NELL2: variants seen among roughly 807,000 people sequenced by gnomAD.
NELL2 encodes the protein protein kinase C-binding protein NELL2.
A neutral mutation model predicts 109.6 loss-of-function variants in NELL2; 41 were observed. That is an observed-to-expected ratio of 0.37 (90% confidence interval 0.29 to 0.49). NELL2 has a LOEUF of 0.49. Ranked by LOEUF, NELL2 falls within the 20% of genes least tolerant of loss-of-function variation. The pLI, the probability that NELL2 is intolerant of heterozygous loss-of-function variation, is 0.98. For missense variants in NELL2, 900 were observed against 1,008.3 expected (o/e 0.89, Z 1.45); for synonymous variants, 355 against 344.7 (o/e 1.03, Z -0.33).
intron 15 of NELL2, among the ~76,000 whole-genome samples, chr12:44,599,671 T>C (rs1474795058): frequency 1.3e-5 from 2 of 152,104 alleles, no homozygotes; most frequent in East Asian, 3.8e-4. Context: ...GGGATAAATA[T>C]TGAGTGGATT....
At chr12:44,840,224 A>G (rs1263388549) in intron 2 of NELL2, among the ~76,000 whole-genome samples, 2 of 152,178 alleles carry the variant, frequency 1.3e-5, no homozygotes, top group African/African-American at 4.8e-5. Flanking sequence ...ACAAGTTGAT[A>G]GAGTTGGTGA....
chr12:44,673,895 T>G (rs1481118472), intron 12 of NELL2, among the ~76,000 whole-genome samples: 1 of 151,922 alleles, frequency 6.6e-6, no homozygotes, highest in Non-Finnish European at 1.5e-5. Context: ...TTCTAAACAC[T>G]CATAATGTAC....
At chr12:44,725,613 T>C (rs1251052962) in intron 9 of NELL2, among the ~76,000 whole-genome samples, 1 of 152,132 alleles carries the variant, frequency 6.6e-6, no homozygotes, top group East Asian at 1.9e-4. Flanking sequence ...TAAATGCCCA[T>C]TAATGACAGA....
intron 12 of NELL2, among the ~76,000 whole-genome samples, chr12:44,674,372 GT>G (rs1413036020): frequency 6.6e-6 from 1 of 152,056 alleles, no homozygotes; most frequent in Admixed American, 6.6e-5. Context: ...TCAGAGAAAG[GT>G]TAATGACTAA....
intron 9 of NELL2, among the ~76,000 whole-genome samples, chr12:44,744,902 G>C (rs572349979): frequency 6.6e-6 from 1 of 152,162 alleles, no homozygotes; most frequent in African/African-American, 2.4e-5. Context: ...CATTCCTTCT[G>C]AAACTATTCC....
intron 15 of NELL2, among the ~76,000 whole-genome samples, chr12:44,593,509 G>A (rs1291037444): frequency 1.3e-5 from 2 of 152,098 alleles, no homozygotes; most frequent in African/African-American, 2.4e-5. Flanking sequence ...GTCACCTTTG[G>A]CAATTTACTT....
chr12:44,765,137 A>C (rs1185703726), intron 9 of NELL2, among the ~76,000 whole-genome samples: 1 of 152,212 alleles, frequency 6.6e-6, no homozygotes, highest in Non-Finnish European at 1.5e-5. Flanking sequence ...AAAAAAATTC[A>C]GGTCTCAGCA....
intron 13 of NELL2, among the ~76,000 whole-genome samples, chr12:44,642,416 G>T (rs1422418084): frequency 2.6e-5 from 4 of 152,104 alleles, no homozygotes; most frequent in Non-Finnish European, 5.9e-5. Flanking sequence ...ATATAAGATG[G>T]TCAAACTCAA....
At chr12:44,552,292 G>A (rs1026794989) in intron 15 of NELL2, among the ~76,000 whole-genome samples, 9 of 152,036 alleles carry the variant, frequency 5.9e-5, no homozygotes, top group African/African-American at 1.2e-4. Context: ...TCAATATTAC[G>A]GAGGAGATGA....
chr12:44,610,748 T>A, intron 14 of NELL2, 100 bp downstream of exon 14: 1 of 1,505,134 alleles, frequency 6.6e-7, no homozygotes, highest in Non-Finnish European at 9.1e-7. Context: ...CTGTAGGAAG[T>A]ACCTGGAATG....
intron 15 of NELL2, among the ~76,000 whole-genome samples, chr12:44,600,618 A>T (rs1039718524): frequency 6.6e-6 from 1 of 152,226 alleles, no homozygotes; most frequent in African/African-American, 2.4e-5. Context: ...GGCACCCCCC[A>T]AAAAGAGAAA....
At chr12:44,733,462 G>A (rs1280612820) in intron 9 of NELL2, among the ~76,000 whole-genome samples, 1 of 151,894 alleles carries the variant, frequency 6.6e-6, no homozygotes, top group Non-Finnish European at 1.5e-5. Context: ...GTAACAACAG[G>A]AGAAATACTG....
chr12:44,534,396 T>A (rs936635104), intron 15 of NELL2, among the ~76,000 whole-genome samples: 1 of 152,124 alleles, frequency 6.6e-6, no homozygotes, highest in African/African-American at 2.4e-5. Context: ...CTGTGGTGCC[T>A]CTTCTTTAGA....
At chr12:44,792,512 A>C (rs913444251) in intron 3 of NELL2, among the ~76,000 whole-genome samples, 1 of 152,146 alleles carries the variant, frequency 6.6e-6, no homozygotes, top group Non-Finnish European at 1.5e-5. Context: ...TAACTATATA[A>C]AAATTAAATC....
At chr12:44,798,094 T>A (rs1048710675) in intron 3 of NELL2, among the ~76,000 whole-genome samples, 1 of 136,960 alleles carries the variant, frequency 7.3e-6, no homozygotes, top group Admixed American at 7.3e-5. Context: ...CATTCCATCC[T>A]AGATGGAATG....
intron 2 of NELL2, among the ~76,000 whole-genome samples, chr12:44,826,614 G>C (rs555697511): frequency 6.6e-6 from 1 of 152,322 alleles, no homozygotes; most frequent in African/African-American, 2.4e-5. Flanking sequence ...AAATAGGATT[G>C]TTAGCTCTAT....
chr12:44,824,678 TTTATTTATTTATTTA>T (rs2136705257), intron 2 of NELL2, among the ~76,000 whole-genome samples: 1 of 109,274 alleles, frequency 9.2e-6, no homozygotes, highest in South Asian at 3.1e-4. Context: ...TATTTATTTA[TTTATTTATTTATTTA>T]TTTATTTTTA....
At chr12:44,773,402 G>A (rs568417233) in intron 9 of NELL2, among the ~76,000 whole-genome samples, 58 of 152,240 alleles carry the variant, frequency 3.8e-4, no homozygotes, top group African/African-American at 1.2e-3. Context: ...CGTGAACCTG[G>A]AAGGCGGAGC....
intron 12 of NELL2, among the ~76,000 whole-genome samples, chr12:44,692,759 G>A (rs921248935): frequency 2.0e-5 from 3 of 152,156 alleles, no homozygotes; most frequent in African/African-American, 7.2e-5. Context: ...TGCAGATGTA[G>A]TGGAAATAGT....
Sources: allele counts gnomAD v4.1 joint callset (sites outside exome capture counted in the v4.1 genomes callset), GRCh38; gene constraint gnomAD v4.1.1; transcripts MANE v1.5; gene names NCBI Gene and HGNC (gene_info 2026-07-23, HGNC 2026-07-21).